The following ATR variants were observed in gnomAD, a reference collection of about 807,000 sequenced individuals.
ATR encodes the protein serine/threonine-protein kinase ATR.
ATR carries 142 observed loss-of-function variants against 305.3 expected under a neutral mutation model. The ratio of observed to expected loss-of-function variants is 0.47; its 90% confidence interval spans 0.41 to 0.53. The LOEUF (loss-of-function observed/expected upper bound fraction) is 0.53. ATR is among the 20% of genes least tolerant of loss of function. ATR has a pLI of 0.00. For synonymous variants in ATR, 1,050 were observed against 1,068.1 expected (o/e 0.98, Z 0.33); for missense variants, 2,135 against 3,133.1 (o/e 0.68, Z 7.60).
chr3:142,524,520 A>G (rs965527963), intron 21 of ATR, among the ~76,000 whole-genome samples: 5 of 152,246 alleles, frequency 3.3e-5, no homozygotes, highest in Non-Finnish European at 5.9e-5. Context: ...AGAGGAAAAC[A>G]GACAAATAAC....
At chr3:142,464,411 G>A (rs900344547) in intron 41 of ATR, among the ~76,000 whole-genome samples, 1 of 152,190 alleles carries the variant, frequency 6.6e-6, no homozygotes, top group Non-Finnish European at 1.5e-5. Flanking sequence ...ACAGGTATGA[G>A]CCACTGCACC....
At chr3:142,493,997 G>A (rs1354807727) in intron 34 of ATR, among the ~76,000 whole-genome samples, 1 of 150,292 alleles carries the variant, frequency 6.7e-6, no homozygotes, top group East Asian at 2.0e-4. Flanking sequence ...TCATGCCACT[G>A]CACTCCAGCC....
Position 142,493,297 on chromosome 3 carries a change from C to T in ATR, c.5913G>A (p.Gln1971=). The T allele has an allele frequency of 6.2e-7, 1 of 1,613,132 alleles. No homozygotes were observed. Among genetic ancestry groups the T allele is most frequent in the East Asian group, 2.2e-5 (1 of 44,816 alleles). Residue 1971 remains glutamine, a synonymous_variant, in exon 35 of 47, where the codon CAG becomes CAA. Transcript: ENST00000350721. The stretch of plus-strand genomic sequence containing the variant: ...CACCTTTTTGAAGAACAATTAGTGC[C>T]TGGTGAACATCACCCTAAAAGAAAA... ...KWLWSKGDVH[Q]ALIVLQKGVE... is the part of the protein sequence containing the mutation.
intron 46 of ATR, chr3:142,450,799 C>A: frequency 7.1e-7 from 1 of 1,414,712 alleles, no homozygotes; most frequent in South Asian, 1.4e-5. Context: ...AGAACATGTT[C>A]AAGTGGTCCA....
chr3:142,471,020 C>T lies in ATR; in HGVS notation c.6222-837G>A, dbSNP rs974103066. Among the ~76,000 whole-genome samples, 9 of 152,164 alleles carry T rather than the reference C, an allele frequency of 5.9e-5. No homozygotes were observed. The South Asian group carries it at 8.3e-4, about 14-fold the overall frequency. On this transcript the variant is annotated intron_variant, in intron 36 of 46. Coordinates refer to ENST00000350721, the MANE Select transcript of ATR (RefSeq NM_001184.4). ...ATATGGTTGTACATTCACATTGTTG[C>T]GTAATCATCACCACCATTCCCCCTC...
At chr3:142,569,306 GT>G (rs999137058) in intron 1 of ATR, among the ~76,000 whole-genome samples, 3 of 152,072 alleles carry the variant, frequency 2.0e-5, no homozygotes, top group African/African-American at 4.8e-5. Flanking sequence ...TTTTCTGGGT[GT>G]TTTTTTATTA....
At chr3:142,450,615 T>C in intron 46 of ATR, 2 of 1,607,708 alleles carry the variant, frequency 1.2e-6, no homozygotes, top group Non-Finnish European at 1.7e-6. Flanking sequence ...TAGGAAAAGG[T>C]GGATATGGAA....
At chr3:142,553,101 A>G in intron 13 of ATR, 126 bp downstream of exon 13, 2 of 1,264,002 alleles carry the variant, frequency 1.6e-6, no homozygotes, top group Non-Finnish European at 2.2e-6. Context: ...ATACCCCTGA[A>G]CTTAAAATAT....
rs113544835 is a variant in ATR at position 142,465,093 on chromosome 3, C to G, written c.7041+4G>C. ...AATAAAATAAAAGCAAACTATCTCC[C>G]AACCTTATTAATCAAGGAATTGAAT... On this transcript the variant is annotated splice_donor_region_variant and intron_variant, in intron 41 of 46. Transcript: ENST00000350721. 42 of 1,500,526 alleles carry G rather than the reference C, an allele frequency of 2.8e-5. No individual in the cohort carries two copies. In the African/African-American group the frequency reaches 4.1e-4, roughly 15 times the overall value. The allele number at this position is 1,500,526 out of a possible 1,614,324, so 93.0% of individuals were successfully genotyped here.
chr3:142,499,393 C>G (rs904827350), intron 31 of ATR, among the ~76,000 whole-genome samples: 3 of 151,822 alleles, frequency 2.0e-5, no homozygotes, highest in African/African-American at 7.3e-5. Context: ...CTCCCAGGTT[C>G]AAGCAATTCT....
Position 142,507,819 on chromosome 3 carries a change from T to C in ATR, c.5031+112A>G, listed in dbSNP as rs2032335816. 3.0e-6 allele frequency: 3 copies of C among 1,015,084 alleles called. No homozygotes were observed. The East Asian group carries it at 7.9e-5, about 27-fold the overall frequency. 62.9% of individuals were successfully genotyped at this position (1,015,084 alleles called of 1,614,324 possible). A position where few individuals can be genotyped will look rare whatever the true frequency, so the allele number is the denominator to read the frequency against. On this transcript the variant is annotated intron_variant, in intron 28 of 46. Transcript: ENST00000350721. ...ATTGATGTTTATCTCTCCCCACTAA[T>C]CTATAAGCTTCTAAGCATAGCATAT...
At chr3:142,511,789 G>A (rs2032582613) in intron 27 of ATR, among the ~76,000 whole-genome samples, 2 of 152,070 alleles carry the variant, frequency 1.3e-5, no homozygotes, top group African/African-American at 2.4e-5. Context: ...TTTTTTCTCA[G>A]TGAAAAGGCC....
At chr3:142,452,832 T>C in intron 46 of ATR, 1 of 1,229,692 alleles carries the variant, frequency 8.1e-7, no homozygotes, top group Non-Finnish European at 1.0e-6. Context: ...GTTCTGTAAG[T>C]TCAGGCAATT....
chr3:142,542,671 C>T lies in ATR; in HGVS notation c.3444G>A (p.Lys1148=), dbSNP rs1178092832. 4 of 1,612,056 alleles carry T rather than the reference C, an allele frequency of 2.5e-6. No individual in the cohort carries two copies. In the East Asian group the frequency reaches 8.9e-5, roughly 36 times the overall value. ...LLSSSVGIED[K]KMALNSLMSL... is the part of the protein sequence containing the mutation. Reference sequence around the variant, plus strand: ...TGGAACTATCACCACTTACCATTTTCTTATCTTCAATGCCAACACTAGAGC... The same window carrying T: ...TGGAACTATCACCACTTACCATTTTTTTATCTTCAATGCCAACACTAGAGC... The change falls in exon 17 of 47, where the codon AAG becomes AAA. Residue 1148 remains lysine (K), a synonymous_variant. Coordinates refer to ENST00000350721, the MANE Select transcript of ATR (RefSeq NM_001184.4).
intron 3 of ATR, 33 bp from the exon 4 acceptor site, chr3:142,563,142 C>G: frequency 1.3e-6 from 2 of 1,568,904 alleles, no homozygotes; most frequent in Non-Finnish European, 1.7e-6. Flanking sequence ...ATTAAATAAA[C>G]AAGTATATCC....
chr3:142,514,807 C>CAAAAAA (rs56770183), intron 25 of ATR, among the ~76,000 whole-genome samples: 19 of 99,830 alleles, frequency 1.9e-4, no homozygotes, highest in Admixed American at 3.7e-4. Flanking sequence ...GACTCCGTCA[C>CAAAAAA]AAAAAAAAAA....
intron 44 of ATR, among the ~76,000 whole-genome samples, chr3:142,458,228 G>T (rs2070948856): frequency 1.3e-5 from 2 of 152,160 alleles, no homozygotes; most frequent in African/African-American, 4.8e-5. Flanking sequence ...AAGTCCAGTT[G>T]TTCATTTTCT....
chr3:142,468,163 C>T, intron 38 of ATR, 95 bp from the exon 39 acceptor site: 1 of 1,428,268 alleles, frequency 7.0e-7, no homozygotes, highest in Non-Finnish European at 9.6e-7. Flanking sequence ...AAAAAGTATT[C>T]ATGATGAGAG....
intron 36 of ATR, among the ~76,000 whole-genome samples, chr3:142,480,405 ATTGCTGAACAGCAAATG>A (rs1219685936): frequency 1.3e-5 from 2 of 152,182 alleles, no homozygotes; most frequent in South Asian, 2.1e-4. Flanking sequence ...AACAGCAAAT[ATTGCTGAACAGCAAATG>A]TTGCTGTCTG....
Sources: allele counts gnomAD v4.1 joint callset (sites outside exome capture counted in the v4.1 genomes callset), GRCh38; gene constraint gnomAD v4.1.1; transcripts MANE v1.5; gene names NCBI Gene and HGNC (gene_info 2026-07-23, HGNC 2026-07-21).